GEMIN8: variants seen among roughly 807,000 people sequenced by gnomAD.
The protein encoded by GEMIN8 is gem-associated protein 8.
For missense variants in GEMIN8, 185 were observed against 205.9 expected (o/e 0.90, Z 0.62); for synonymous variants, 80 against 78.5 (o/e 1.02, Z -0.10).
At chrX:14,017,356 G>A (rs1013284729) in intron 4 of GEMIN8, among the ~76,000 whole-genome samples, 5 of 111,756 alleles carry the variant, frequency 4.5e-5, no homozygotes, top group Non-Finnish European at 9.4e-5. Flanking sequence ...CTTTTATGAT[G>A]GTTTGCTATC....
the GEMIN8 span, among the ~76,000 whole-genome samples, chrX:13,991,759 C>A: frequency 8.9e-6 from 1 of 111,991 alleles, no homozygotes; most frequent in East Asian, 2.8e-4. Context: ...TAAGCAAATA[C>A]TATCCTAACC....
chrX:14,028,063 T>G (rs756851890), intron 1 of GEMIN8, among the ~76,000 whole-genome samples: 20 of 112,279 alleles, frequency 1.8e-4, no homozygotes, highest in Admixed American at 1.5e-3. Flanking sequence ...GCGTCTTATT[T>G]CAAATTTACT....
chrX:13,991,023 C>T, the GEMIN8 span, among the ~76,000 whole-genome samples: 1 of 112,635 alleles, frequency 8.9e-6, no homozygotes, highest in African/African-American at 3.2e-5. Flanking sequence ...TGAGCCACTG[C>T]GCCTGGCCTG....
intron 4 of GEMIN8, among the ~76,000 whole-genome samples, chrX:14,009,653 C>G (rs983174175): frequency 1.8e-5 from 2 of 112,215 alleles, no homozygotes; most frequent in East Asian, 5.6e-4. Flanking sequence ...AATGAACCCA[C>G]CTGAGGTTCT....
Position 14,009,094 on chromosome X carries a change from C to T in GEMIN8, c.548G>A (p.Arg183His), listed in dbSNP as rs373735632. The change falls in exon 5 of 5, where the codon CGC (arginine) becomes CAC (histidine). Residue 183 changes from arginine to histidine, a missense_variant. Arg to His is a conservative substitution (Grantham distance 29). Coordinates refer to ENST00000680255, the MANE Select transcript of GEMIN8 (RefSeq NM_001042479.2). ...NADHDLYCNT[R>H]RSVEAPTERP... ...CTCAGTTGGGGCTTCTACCGACCGGCGGGTGTTGCAGTACAGGTCGTGGTC... is the reference window on the plus strand; with the variant it reads ...CTCAGTTGGGGCTTCTACCGACCGGTGGGTGTTGCAGTACAGGTCGTGGTC... 9 of 1,210,072 alleles carry T rather than the reference C, an allele frequency of 7.4e-6. No individual in the cohort carries two copies. The African/African-American group carries it at 1.2e-4, about 16-fold the overall frequency.
At chrX:14,026,294 A>C in intron 1 of GEMIN8, 73 bp from the exon 2 acceptor site, 1 of 751,044 alleles carries the variant, frequency 1.3e-6, no homozygotes, top group Non-Finnish European at 1.6e-6. Context: ...AGCCCTCTCC[A>C]GTGAGCACAA....
chrX:14,006,166 C>T (rs969012199), downstream of GEMIN8, among the ~76,000 whole-genome samples: 6 of 109,868 alleles, frequency 5.5e-5, no homozygotes, highest in African/African-American at 2.0e-4. Context: ...GTAGCTGGGA[C>T]TATAGGTGTG....
At chrX:14,023,614 T>A (rs944379845) in intron 2 of GEMIN8, among the ~76,000 whole-genome samples, 10 of 111,550 alleles carry the variant, frequency 9.0e-5, no homozygotes, top group African/African-American at 3.3e-4. Flanking sequence ...CCTGACCTCA[T>A]GATCCGCCCG....
intron 4 of GEMIN8, among the ~76,000 whole-genome samples, chrX:14,011,805 G>A (rs1177039392): frequency 9.0e-6 from 1 of 110,908 alleles, no homozygotes; most frequent in Non-Finnish European, 1.9e-5. Context: ...CTGTCGGTAG[G>A]ATGTTGTGAG....
chrX:14,018,752 C>CTTTCT (rs957212591), intron 4 of GEMIN8, among the ~76,000 whole-genome samples: 2 of 104,717 alleles, frequency 1.9e-5, no homozygotes, highest in Non-Finnish European at 3.9e-5. Context: ...TTTTTCTTTT[C>CTTTCT]TTTCTTTTCT....
chrX:13,993,172 C>T, the GEMIN8 span, among the ~76,000 whole-genome samples: 1 of 111,973 alleles, frequency 8.9e-6, no homozygotes, highest in African/African-American at 3.2e-5. Flanking sequence ...TCATTCCTAA[C>T]CTTTGTAAAG....
the GEMIN8 span, among the ~76,000 whole-genome samples, chrX:13,990,546 G>T: frequency 8.9e-6 from 1 of 112,419 alleles, no homozygotes; most frequent in Non-Finnish European, 1.9e-5. Flanking sequence ...GGGCTTGAGT[G>T]CATGGGTCAC....
the GEMIN8 span, among the ~76,000 whole-genome samples, chrX:13,999,439 G>A: frequency 9.1e-6 from 1 of 109,615 alleles, no homozygotes; most frequent in Non-Finnish European, 1.9e-5. Flanking sequence ...ACCACGCCCG[G>A]CTAATTTTGT....
chrX:14,000,610 T>A, the GEMIN8 span, among the ~76,000 whole-genome samples: 1 of 109,590 alleles, frequency 9.1e-6, no homozygotes, highest in African/African-American at 3.3e-5. Context: ...AAAAAAAAAA[T>A]TTAAAAAAGA....
chrX:14,021,937 C>T (rs185789200), intron 2 of GEMIN8, among the ~76,000 whole-genome samples: 61 of 95,753 alleles, frequency 6.4e-4, no homozygotes, highest in African/African-American at 2.2e-3. Context: ...AATGTATACA[C>T]ACATATATAT....
At chrX:14,000,147 A>C in the GEMIN8 span, among the ~76,000 whole-genome samples, 2 of 109,487 alleles carry the variant, frequency 1.8e-5, no homozygotes, top group African/African-American at 6.7e-5. Context: ...TCTTAAAAAA[A>C]AATTAGCTGG....
At chrX:13,994,504 T>C in the GEMIN8 span, among the ~76,000 whole-genome samples, 1 of 112,687 alleles carries the variant, frequency 8.9e-6, no homozygotes, top group African/African-American at 3.2e-5. Context: ...TACTACATAA[T>C]GTTTGGTGTA....
the GEMIN8 span, among the ~76,000 whole-genome samples, chrX:14,001,431 T>C: frequency 8.9e-6 from 1 of 112,587 alleles, no homozygotes; most frequent in Middle Eastern, 4.6e-3. Context: ...AAAAGTGTTT[T>C]AATAATCAAT....
chrX:14,017,034 G>T (rs1204805478), intron 4 of GEMIN8, among the ~76,000 whole-genome samples: 2 of 108,245 alleles, frequency 1.8e-5, no homozygotes, highest in African/African-American at 6.7e-5. Context: ...TTGGTACCAA[G>T]CACCATTCTA....
Sources: allele counts gnomAD v4.1 joint callset (sites outside exome capture counted in the v4.1 genomes callset), GRCh38; gene constraint gnomAD v4.1.1; transcripts MANE v1.5; gene names NCBI Gene and HGNC (gene_info 2026-07-23, HGNC 2026-07-21).